Variants in FRMD4A observed in about 807,000 individuals in gnomAD.
FRMD4A encodes the protein FERM domain containing 4A, also known as FERM domain-containing protein 4A.
Under a neutral mutation model 129.1 loss-of-function variants are expected in FRMD4A, and 29 were observed. That is an observed-to-expected ratio of 0.22 (90% CI 0.17 to 0.31). FRMD4A has a LOEUF of 0.31. Ranked by LOEUF, FRMD4A falls within the 10% of genes least tolerant of loss-of-function variation. FRMD4A has a pLI of 1.00. For missense variants in FRMD4A, 1,272 were observed against 1,375.8 expected (o/e 0.92, Z 1.19); for synonymous variants, 634 against 571.6 (o/e 1.11, Z -1.56).
chr10:13,739,733 T>C (rs1328664236), intron 11 of FRMD4A, among the ~76,000 whole-genome samples: 1 of 152,170 alleles, frequency 6.6e-6, no homozygotes, highest in Non-Finnish European at 1.5e-5. Flanking sequence ...TATTTGAAAT[T>C]GTCTCCCCGC....
At chr10:14,081,484 G>A (rs531879656) in intron 2 of FRMD4A, among the ~76,000 whole-genome samples, 53 of 152,282 alleles carry the variant, frequency 3.5e-4, no homozygotes, top group African/African-American at 1.3e-3. Context: ...TGGGAACCAT[G>A]TCTGCCCCAG....
Position 14,330,153 on chromosome 10 carries a change from C to A in FRMD4A, c.-51G>T. 1.3e-6 allele frequency: 2 copies of A among 1,536,114 alleles called. No individual in the cohort carries two copies. The highest frequency in any genetic ancestry group is 1.8e-6 in the Non-Finnish European group (2 of 1,134,232). ...CTGCTGCCGAGTCAGTCCTCCTGGG[C>A]CCCGGGTGGCTACAGAGCATCCAAA... On this transcript the variant is annotated 5_prime_UTR_variant, in exon 2 of 25. Transcript: ENST00000357447.
intron 15 of FRMD4A, chr10:13,684,187 G>T: frequency 3.4e-6 from 1 of 292,670 alleles, no homozygotes; most frequent in Non-Finnish European, 5.1e-6. Flanking sequence ...GACCTTATGA[G>T]CACATTTCAA....
intron 2 of FRMD4A, among the ~76,000 whole-genome samples, chr10:14,080,500 C>A (rs1057481782): frequency 6.6e-6 from 1 of 151,964 alleles, no homozygotes; most frequent in Non-Finnish European, 1.5e-5. Flanking sequence ...ATTTGACAAG[C>A]AGGACAAGTT....
intron 14 of FRMD4A, among the ~76,000 whole-genome samples, chr10:13,699,369 G>A (rs1020625973): frequency 3.3e-5 from 5 of 151,788 alleles, no homozygotes; most frequent in Admixed American, 6.6e-5. Flanking sequence ...GAGCCATGGC[G>A]GCCGGCCAAT....
chr10:14,082,634 A>G lies in FRMD4A; in HGVS notation c.46-223722T>C, dbSNP rs565357336. Among the ~76,000 whole-genome samples the G allele has an allele frequency of 1.2e-4, 18 of 152,304 alleles. No individual in the cohort carries two copies. In the South Asian group the frequency reaches 3.7e-3, roughly 32 times the overall value. On this transcript the variant is annotated intron_variant, in intron 2 of 24. Coordinates refer to ENST00000357447, the MANE Select transcript of FRMD4A (RefSeq NM_018027.5). The stretch of plus-strand genomic sequence containing the variant: ...CACTGAAGTTGAGTGACGAAAAGGC[A>G]CCTGAAACTCAGGTGCATTTCAGTT...
At chr10:14,196,164 TACACACACAC>T (rs10536108) in intron 2 of FRMD4A, among the ~76,000 whole-genome samples, 3,532 of 149,574 alleles carry the variant, frequency 0.024, 91 homozygotes, top group East Asian at 0.099. Context: ...TGCACACACA[TACACACACAC>T]ACACACACAC....
chr10:13,856,091 CTAGA>C (rs1048138935), intron 3 of FRMD4A, among the ~76,000 whole-genome samples: 52 of 150,946 alleles, frequency 3.4e-4, no homozygotes, highest in South Asian at 1.7e-3. Context: ...CTATCAATGC[CTAGA>C]TAAATAGTGC....
intron 2 of FRMD4A, among the ~76,000 whole-genome samples, chr10:14,084,171 G>C (rs1455291363): frequency 6.6e-6 from 1 of 152,196 alleles, no homozygotes; most frequent in Non-Finnish European, 1.5e-5. Context: ...CCTCTAGACA[G>C]AGTCTTGATC....
At chr10:13,896,874 G>A (rs574170364) in intron 2 of FRMD4A, among the ~76,000 whole-genome samples, 1 of 152,320 alleles carries the variant, frequency 6.6e-6, no homozygotes, top group South Asian at 2.1e-4. Context: ...CCGAAGAGCA[G>A]CCGATTCTAC....
intron 4 of FRMD4A, among the ~76,000 whole-genome samples, chr10:13,803,703 A>G (rs923840572): frequency 1.3e-5 from 2 of 152,234 alleles, no homozygotes; most frequent in African/African-American, 2.4e-5. Context: ...TACAAACACA[A>G]GCTCAACAAG....
chr10:13,869,010 G>C (rs1179848951), intron 2 of FRMD4A, among the ~76,000 whole-genome samples: 1 of 152,136 alleles, frequency 6.6e-6, no homozygotes, highest in African/African-American at 2.4e-5. Flanking sequence ...GTCATAACCC[G>C]GGCTGGCGTT....
At chr10:14,083,739 C>T (rs924410259) in intron 2 of FRMD4A, 1 of 152,170 alleles carries the variant, frequency 6.6e-6, no homozygotes, top group African/African-American at 2.4e-5. Flanking sequence ...ACAATTCCCT[C>T]ATTTATGGCA....
intron 2 of FRMD4A, among the ~76,000 whole-genome samples, chr10:14,214,064 C>T (rs7899604): frequency 0.52 from 79,196 of 152,162 alleles, 22,354 homozygotes; most frequent in Non-Finnish European, 0.64. Context: ...GTAAGATGTG[C>T]GTTTGCTCTT....
chr10:13,964,731 G>A (rs879550327), intron 2 of FRMD4A, among the ~76,000 whole-genome samples: 11 of 150,054 alleles, frequency 7.3e-5, no homozygotes, highest in Non-Finnish European at 1.2e-4. Context: ...GAGTGCAATG[G>A]CGCGATCTCA....
chr10:14,260,240 G>T (rs756194282), intron 2 of FRMD4A, among the ~76,000 whole-genome samples: 1 of 152,106 alleles, frequency 6.6e-6, no homozygotes, highest in Non-Finnish European at 1.5e-5. Flanking sequence ...CTTTTGTACT[G>T]CACGGACTCT....
intron 2 of FRMD4A, among the ~76,000 whole-genome samples, chr10:14,124,515 TA>T (rs1442252358): frequency 6.6e-6 from 1 of 151,908 alleles, no homozygotes; most frequent in Non-Finnish European, 1.5e-5. Context: ...ATCTCTACTA[TA>T]AATACAAAAA....
chr10:13,884,501 A>G (rs1377805280), intron 2 of FRMD4A, among the ~76,000 whole-genome samples: 1 of 152,184 alleles, frequency 6.6e-6, no homozygotes, highest in Non-Finnish European at 1.5e-5. Flanking sequence ...TCAAGATAAA[A>G]GCTTTTTCTG....
At chr10:14,141,835 G>A (rs916438646) in intron 2 of FRMD4A, among the ~76,000 whole-genome samples, 1 of 152,198 alleles carries the variant, frequency 6.6e-6, no homozygotes, top group Non-Finnish European at 1.5e-5. Flanking sequence ...GTGCCTGCTT[G>A]TGTCTGTGCA....
Sources: allele counts gnomAD v4.1 joint callset (sites outside exome capture counted in the v4.1 genomes callset), GRCh38; gene constraint gnomAD v4.1.1; transcripts MANE v1.5; gene names NCBI Gene and HGNC (gene_info 2026-07-23, HGNC 2026-07-21).